Variants in OPCML observed in about 807,000 individuals in gnomAD.
The protein encoded by OPCML is opioid-binding protein/cell adhesion molecule.
Under a neutral mutation model 37.8 loss-of-function variants are expected in OPCML, and 13 were observed. The observed-to-expected ratio is 0.34, with a 90% CI of 0.22 to 0.55. The LOEUF is 0.55. Among genes scored for constraint, OPCML ranks in the 20% least tolerant of loss-of-function variants. The pLI, the probability that OPCML is intolerant of heterozygous loss-of-function variation, is 0.91. For missense variants in OPCML, 341 were observed against 435.6 expected (o/e 0.78, Z 1.93); for synonymous variants, 176 against 168.8 (o/e 1.04, Z -0.33).
At chr11:132,464,151 A>G (rs1294051903) in intron 4 of OPCML, among the ~76,000 whole-genome samples, 1 of 152,176 alleles carries the variant, frequency 6.6e-6, no homozygotes, top group African/African-American at 2.4e-5. Context: ...ATTTCCCTCC[A>G]AAGGCCTCTG....
intron 2 of OPCML, among the ~76,000 whole-genome samples, chr11:132,886,301 C>T (rs1276237461): frequency 2.0e-5 from 3 of 152,154 alleles, no homozygotes; most frequent in Non-Finnish European, 4.4e-5. Context: ...GAACAACAAC[C>T]ATGCTACTGT....
intron 1 of OPCML, among the ~76,000 whole-genome samples, chr11:133,337,918 A>T (rs1013251891): frequency 6.6e-6 from 1 of 151,942 alleles, no homozygotes; most frequent in Non-Finnish European, 1.5e-5. Context: ...CTCATTTCCA[A>T]GTGGTTTCTG....
chr11:133,211,779 C>T lies in OPCML; in HGVS notation c.62-268769G>A, dbSNP rs1939370581. ...CACCATTATCACAACACGCTTTTCACAATTTTTTTAAGTCTTACAACAATC... is the reference window on the plus strand; with the variant it reads ...CACCATTATCACAACACGCTTTTCATAATTTTTTTAAGTCTTACAACAATC... On this transcript the variant is annotated intron_variant, in intron 1 of 7. Coordinates refer to ENST00000524381, the MANE Select transcript of OPCML (RefSeq NM_001012393.5). The surrounding 1 kb of genome is among the most constrained non-coding windows in gnomAD (Gnocchi z 4.1). Among the ~76,000 whole-genome samples, 8 of 152,182 alleles carry T rather than the reference C, an allele frequency of 5.3e-5. No individual in the cohort carries two copies. The South Asian group carries it at 1.2e-3, about 24-fold the overall frequency.
intron 1 of OPCML, chr11:133,418,396 T>G: frequency 2.0e-6 from 2 of 985,126 alleles, no homozygotes; most frequent in Non-Finnish European, 2.4e-6. Flanking sequence ...CTAAATAGAT[T>G]GGTGATTGAT....
chr11:133,006,351 G>A, intron 1 of OPCML: 2 of 732,490 alleles, frequency 2.7e-6, no homozygotes, highest in Non-Finnish European at 3.3e-6. Context: ...TACTACCATT[G>A]AAATGGTCTG....
At chr11:132,833,761 A>G (rs1484454789) in intron 2 of OPCML, among the ~76,000 whole-genome samples, 1 of 152,214 alleles carries the variant, frequency 6.6e-6, no homozygotes, top group Admixed American at 6.5e-5. Flanking sequence ...CAGCTCCATT[A>G]TAATCATATG....
At chr11:133,101,049 C>T (rs942967900) in intron 1 of OPCML, among the ~76,000 whole-genome samples, 14 of 152,126 alleles carry the variant, frequency 9.2e-5, no homozygotes, top group Admixed American at 2.0e-4. Flanking sequence ...CTCAGCCTCC[C>T]GAGTAGCTGG....
At chr11:133,226,815 C>T (rs981702960) in intron 1 of OPCML, among the ~76,000 whole-genome samples, 5 of 152,082 alleles carry the variant, frequency 3.3e-5, no homozygotes, top group Non-Finnish European at 5.9e-5. Context: ...CAACATAGCC[C>T]AGAGGAGCCC....
chr11:132,918,736 G>T (rs922402017), intron 2 of OPCML, among the ~76,000 whole-genome samples: 2 of 152,144 alleles, frequency 1.3e-5, no homozygotes, highest in African/African-American at 4.8e-5. Flanking sequence ...AAAGGCTATA[G>T]AGGTGTCTAT....
intron 1 of OPCML, among the ~76,000 whole-genome samples, chr11:133,493,257 G>A (rs12284182): frequency 0.071 from 10,770 of 152,238 alleles, 484 homozygotes; most frequent in African/African-American, 0.12. Context: ...AGCCTTGCAC[G>A]CCGGGCAGGC....
chr11:133,245,683 G>A (rs557735997), intron 1 of OPCML, among the ~76,000 whole-genome samples: 1 of 152,102 alleles, frequency 6.6e-6, no homozygotes, highest in African/African-American at 2.4e-5. Flanking sequence ...CAAGAAGCTT[G>A]GTGAGTTATA....
intron 2 of OPCML, among the ~76,000 whole-genome samples, chr11:132,942,660 C>A (rs1316407667): frequency 1.3e-5 from 2 of 152,200 alleles, no homozygotes; most frequent in African/African-American, 4.8e-5. Flanking sequence ...AGAATCTAGC[C>A]TGTCGTGGCT....
chr11:133,484,574 C>T (rs898153928), intron 1 of OPCML, among the ~76,000 whole-genome samples: 1 of 151,988 alleles, frequency 6.6e-6, no homozygotes, highest in Non-Finnish European at 1.5e-5. Flanking sequence ...TAGTAAAAAC[C>T]ACAGGAAAAA....
intron 1 of OPCML, among the ~76,000 whole-genome samples, chr11:133,321,909 A>G (rs915005056): frequency 6.6e-6 from 1 of 152,142 alleles, no homozygotes; most frequent in Non-Finnish European, 1.5e-5. Flanking sequence ...AACCTCAAGC[A>G]GGATGGCATT....
At chr11:132,562,421 G>C (rs1488283845) in intron 3 of OPCML, among the ~76,000 whole-genome samples, 10 of 151,690 alleles carry the variant, frequency 6.6e-5, no homozygotes, top group Non-Finnish European at 1.5e-4. Flanking sequence ...AGTGGCTCTT[G>C]ACATTTTTAT....
chr11:133,468,810 T>G (rs1947034122), intron 1 of OPCML, among the ~76,000 whole-genome samples: 1 of 152,132 alleles, frequency 6.6e-6, no homozygotes, highest in Non-Finnish European at 1.5e-5. Flanking sequence ...GCCTCTCCAT[T>G]TGGGTTGAGG....
intron 2 of OPCML, among the ~76,000 whole-genome samples, chr11:132,876,953 AG>A (rs1343131707): frequency 1.3e-5 from 2 of 152,204 alleles, no homozygotes; most frequent in Non-Finnish European, 2.9e-5. Context: ...AATTTTCTCC[AG>A]GGAGTAATTT....
chr11:132,937,954 C>T (rs1026937103), intron 2 of OPCML, among the ~76,000 whole-genome samples: 4 of 151,786 alleles, frequency 2.6e-5, no homozygotes, highest in African/African-American at 7.3e-5. Context: ...ATCAGACTGC[C>T]ATCATTGGTG....
chr11:132,900,130 T>A (rs1198145898), intron 2 of OPCML, among the ~76,000 whole-genome samples: 1 of 152,194 alleles, frequency 6.6e-6, no homozygotes, highest in Non-Finnish European at 1.5e-5. Flanking sequence ...GCATTCTTTT[T>A]ATCAGCTCTT....
Sources: allele counts gnomAD v4.1 joint callset (sites outside exome capture counted in the v4.1 genomes callset), GRCh38; gene constraint gnomAD v4.1.1; non-coding constraint Gnocchi (gnomAD v3.1); transcripts MANE v1.5; gene names NCBI Gene and HGNC (gene_info 2026-07-23, HGNC 2026-07-21).